The following ANKMY2 variants were observed in gnomAD, a reference collection of about 807,000 sequenced individuals.
ANKMY2 encodes the protein ankyrin repeat and MYND domain containing 2, also known as ankyrin repeat and MYND domain-containing protein 2.
A neutral mutation model predicts 50.4 loss-of-function variants in ANKMY2; 36 were observed. The ratio of observed to expected loss-of-function variants is 0.71; its 90% CI spans 0.55 to 0.94. The LOEUF is 0.94. Among genes scored for constraint, ANKMY2 ranks in the 40% least tolerant of loss-of-function variants. The probability of loss-of-function intolerance (pLI) is 0.00; values close to 1 mark genes in which losing one functional copy is unlikely to be tolerated. For synonymous variants in ANKMY2, 187 were observed against 178.8 expected, an observed-to-expected ratio of 1.05 and a Z score of -0.36; for missense variants, 565 against 524.0, an observed-to-expected ratio of 1.08 and a Z score of -0.76.
intron 2 of ANKMY2, among the ~76,000 whole-genome samples, chr7:16,629,639 A>T (rs1393251301): frequency 6.6e-6 from 1 of 152,200 alleles, no homozygotes; most frequent in Non-Finnish European, 1.5e-5. Flanking sequence ...ATTTTCAGAT[A>T]CCAAATTTAA....
At position 16,609,631 on chromosome 7, in the gene ANKMY2, A is replaced by G. The variant is rs1363734041; in HGVS notation, c.881T>C (p.Ile294Thr). ...CAACTTAGGTAAGAGGAGCCTTACA[A>G]TTTCAACAGGAGCAATGCTTCGAAC... ...QLVRSIAPVE[I>T]GSDPTAFSVL... is the part of the protein sequence containing the mutation. Residue 294 changes from isoleucine to threonine, a missense_variant and splice_region_variant, in exon 7 of 10, where the codon ATT becomes ACT. By Grantham distance (89) the Ile-to-Thr change is moderately conservative. Coordinates refer to ENST00000306999, the MANE Select transcript of ANKMY2 (RefSeq NM_020319.3). 1 of 1,598,540 alleles carries G rather than the reference A, an allele frequency of 6.3e-7. No homozygotes were observed. The highest frequency in any genetic ancestry group is 1.8e-5 in the Admixed American group (1 of 55,286).
At chr7:16,615,181 G>GC (rs1781322471) in intron 5 of ANKMY2, among the ~76,000 whole-genome samples, 1 of 152,194 alleles carries the variant, frequency 6.6e-6, no homozygotes. Context: ...TTAAAAATGT[G>GC]CTCATGATTA....
At chr7:16,603,565 T>G (rs1562764988) in intron 8 of ANKMY2, 2 of 469,374 alleles carry the variant, frequency 4.3e-6, no homozygotes, top group African/African-American at 2.0e-5. Flanking sequence ...CCAAGCACTG[T>G]GGTAGGCCCT....
At chr7:16,636,521 C>T (rs1583685137) in intron 1 of ANKMY2, 66 bp from the exon 2 acceptor site, 23 of 1,304,756 alleles carry the variant, frequency 1.8e-5, no homozygotes, top group Non-Finnish European at 2.2e-5. Context: ...AATCTAACAT[C>T]AAGGAAATAA....
In ANKMY2 at chr7:16,609,625, C is replaced by T; in HGVS notation, c.882+5G>A. On this transcript the variant is annotated splice_donor_5th_base_variant and intron_variant, in intron 7 of 9. Transcript: ENST00000306999. ...TAGAGTCAACTTAGGTAAGAGGAGC[C>T]TTACAATTTCAACAGGAGCAATGCT... 1 of 1,596,270 alleles carries T rather than the reference C, an allele frequency of 6.3e-7. No homozygotes were observed. Among genetic ancestry groups the T allele is most frequent in the South Asian group, 1.1e-5 (1 of 87,558 alleles).
intron 1 of ANKMY2, among the ~76,000 whole-genome samples, chr7:16,643,938 G>A (rs372137982): frequency 7.4e-5 from 11 of 149,512 alleles, no homozygotes; most frequent in East Asian, 5.8e-4. Context: ...CACTAGGGAG[G>A]TGGAGGCTGC....
chr7:16,616,712 C>T (rs1056731781), intron 4 of ANKMY2, among the ~76,000 whole-genome samples: 3 of 152,242 alleles, frequency 2.0e-5, no homozygotes, highest in Non-Finnish European at 1.5e-5. Flanking sequence ...CTTCTTCCTC[C>T]GCTCTGCCTG....
At chr7:16,629,722 A>T (rs1258637225) in intron 2 of ANKMY2, among the ~76,000 whole-genome samples, 2 of 152,168 alleles carry the variant, frequency 1.3e-5, no homozygotes, top group Non-Finnish European at 2.9e-5. Context: ...TTATTTTTCA[A>T]AGAAGTGGAT....
chr7:16,620,095 C>G (rs1235129460), intron 4 of ANKMY2, among the ~76,000 whole-genome samples: 1 of 152,062 alleles, frequency 6.6e-6, no homozygotes, highest in Non-Finnish European at 1.5e-5. Flanking sequence ...TGATGGGTGT[C>G]AAAGAATATA....
chr7:16,616,514 C>T (rs1781351282), intron 4 of ANKMY2, among the ~76,000 whole-genome samples: 1 of 152,160 alleles, frequency 6.6e-6, no homozygotes, highest in African/African-American at 2.4e-5. Flanking sequence ...AAAAATGGTT[C>T]TATGAAAGCA....
At chr7:16,629,817 A>G (rs886128050) in intron 2 of ANKMY2, among the ~76,000 whole-genome samples, 6 of 152,186 alleles carry the variant, frequency 3.9e-5, no homozygotes, top group African/African-American at 1.4e-4. Context: ...TTTGACTGCA[A>G]TGATTACTAT....
intron 2 of ANKMY2, among the ~76,000 whole-genome samples, chr7:16,632,818 G>T (rs1049550249): frequency 6.6e-6 from 1 of 152,152 alleles, no homozygotes; most frequent in Non-Finnish European, 1.5e-5. Flanking sequence ...ATCATGTGAG[G>T]AACTGCGAGA....
rs1783476548 is a variant in ANKMY2, at chr7:16,599,904, A to T, written c.*857T>A. 1 of 152,232 alleles carries T rather than the reference A, an allele frequency of 6.6e-6. No individual in the cohort carries two copies. Among genetic ancestry groups the T allele is most frequent in the Non-Finnish European group, 1.5e-5 (1 of 68,042 alleles). 9.4% of individuals were successfully genotyped at this position (152,232 alleles called of 1,614,324 possible). On this transcript the variant is annotated 3_prime_UTR_variant, in exon 10 of 10. Transcript: ENST00000306999. ...ATATGCTAAAAACCGACGCCAGGAC[A>T]TTCTCTAAATGAGTTACAAATCAGT...
intron 1 of ANKMY2, chr7:16,644,665 T>C (rs561836434): frequency 5.9e-5 from 28 of 470,960 alleles, no homozygotes; most frequent in Non-Finnish European, 1.2e-4. Context: ...AGAAGAAGCA[T>C]GCAGTCACGC....
At chr7:16,639,097 CTG>C (rs1054049850) in intron 1 of ANKMY2, among the ~76,000 whole-genome samples, 5 of 152,118 alleles carry the variant, frequency 3.3e-5, no homozygotes, top group Non-Finnish European at 4.4e-5. Flanking sequence ...AGAGGAAAAA[CTG>C]TGATGATTTC....
rs373694307 is a variant in ANKMY2 at position 16,639,418 on chromosome 7, T to G, written c.68-2963A>C. On this transcript the variant is annotated intron_variant, in intron 1 of 9. Transcript: ENST00000306999. ...TAAGAAACAACAGACCTAAACTAAT[T>G]AAAGTAATAATTAGTGATTTATTTC... Among the ~76,000 whole-genome samples the G allele has an allele frequency of 6.6e-5, 10 of 152,302 alleles. No homozygotes were observed. In the East Asian group the frequency reaches 1.9e-3, roughly 29 times the overall value.
At chr7:16,636,302 CAAAAAAAAAAAAAAAAAAA>C in intron 2 of ANKMY2, 70 bp downstream of exon 2, 3 of 213,770 alleles carry the variant, frequency 1.4e-5, no homozygotes, top group Non-Finnish European at 2.1e-5. Context: ...CACTCCATCT[CAAAAAAAAAAAAAAAAAAA>C]AAAAAAAAAA....
At chr7:16,610,371 T>G (rs1010308962) in intron 6 of ANKMY2, among the ~76,000 whole-genome samples, 178 bp downstream of exon 6, 1 of 152,200 alleles carries the variant, frequency 6.6e-6, no homozygotes, top group African/African-American at 2.4e-5. Context: ...GATACAGAAC[T>G]GAATAATCAC....
intron 4 of ANKMY2, among the ~76,000 whole-genome samples, chr7:16,621,333 A>G (rs1024017957): frequency 6.6e-6 from 1 of 152,204 alleles, no homozygotes; most frequent in Admixed American, 6.5e-5. Flanking sequence ...AAAGAAATGT[A>G]AAAGTGTACT....
Sources: allele counts gnomAD v4.1 joint callset (sites outside exome capture counted in the v4.1 genomes callset), GRCh38; gene constraint gnomAD v4.1.1; transcripts MANE v1.5; gene names NCBI Gene and HGNC (gene_info 2026-07-23, HGNC 2026-07-21).